The following CASKIN2 variants were observed in gnomAD, a reference collection of about 807,000 sequenced individuals.
The protein encoded by CASKIN2 is caskin-2.
CASKIN2 carries 41 observed loss-of-function variants against 107.1 expected under a neutral mutation model. The observed-to-expected ratio is 0.38, with a 90% confidence interval of 0.30 to 0.50. The LOEUF is 0.50. Ranked by LOEUF, CASKIN2 falls within the 20% of genes least tolerant of loss-of-function variation. CASKIN2 has a pLI of 0.92. For synonymous variants in CASKIN2, 724 were observed against 705.6 expected (o/e 1.03, Z -0.41); for missense variants, 1,546 against 1,657.4 (o/e 0.93, Z 1.17).
Position 75,501,826 on chromosome 17 carries a change from G to A in CASKIN2, c.3248C>T (p.Thr1083Ile). The A allele has an allele frequency of 1.3e-6, 2 of 1,554,008 alleles. No individual in the cohort carries two copies. Among genetic ancestry groups the A allele is most frequent in the Non-Finnish European group, 1.7e-6 (2 of 1,152,298 alleles). ...GGCAGCAGGGGCGGCCGGGGGTTCT[G>A]TCTCCCCATTCCACCGACTAGCTGC... is the stretch of plus-strand genomic sequence containing the variant. Reference protein sequence around the residue: ...SSAASRWNGETEPPAAPAALL... With the variant: ...SSAASRWNGEIEPPAAPAALL... Residue 1083 changes from threonine (T) to isoleucine (I), a missense_variant, in exon 18 of 20, where the codon ACA (threonine) becomes ATA (isoleucine). Physicochemically the swap from Thr to Ile is moderately conservative, Grantham distance 89. Around this residue, in one of 6 missense-constraint regions of CASKIN2, gnomAD observed 1,311 missense variants for 1,311.0 expected, o/e 1.00. Coordinates refer to ENST00000321617, the MANE Select transcript of CASKIN2 (RefSeq NM_020753.5).
chr17:75,504,405 CCT>C lies in CASKIN2; in HGVS notation c.1375+13_1375+14del. The C allele has an allele frequency of 6.2e-7, 1 of 1,605,950 alleles. No individual in the cohort carries two copies. Among genetic ancestry groups the C allele is most frequent in the Non-Finnish European group, 8.5e-7 (1 of 1,174,480 alleles). On this transcript the variant is annotated intron_variant, in intron 13 of 19. Transcript: ENST00000321617. ...CACCTCTCCTAGCCAACCCAGGTCC[CCT>C]GACCCTTCCTACCTGCCAGGGACGG...
rs894682393 is a variant in CASKIN2 at position 75,505,255 on chromosome 17, C to G, written c.931-182G>C. 2.8e-6 allele frequency: 2 copies of G among 714,778 alleles called. No individual in the cohort carries two copies. The highest frequency in any genetic ancestry group is 4.6e-6 in the Non-Finnish European group (2 of 432,534). The allele number at this position is 714,778 out of a possible 1,614,324, so 44.3% of individuals were successfully genotyped here. ...CTGCTGCCAGCAGCCAGCTCAATCT[C>G]CCCTGTGCCTCCAGGGCGAGCCCCA... On this transcript the variant is annotated intron_variant, in intron 10 of 19. Coordinates refer to ENST00000321617, the MANE Select transcript of CASKIN2 (RefSeq NM_020753.5). The surrounding 1 kb of genome is among the most constrained non-coding windows in gnomAD (Gnocchi z 5.1).
rs1240050030 is a variant in CASKIN2, at chr17:75,501,043, G to A, written c.*37C>T. On this transcript the variant is annotated 3_prime_UTR_variant, in exon 20 of 20. Transcript: ENST00000321617. Reference sequence around the variant, plus strand: ...TCTTCTGTGCTGGGGCAAAGGCAGTGGACTTCGGCAGGTCACAGTGGGCAC... The same window carrying A: ...TCTTCTGTGCTGGGGCAAAGGCAGTAGACTTCGGCAGGTCACAGTGGGCAC... 6.5e-7 allele frequency: 1 copy of A among 1,541,424 alleles called. No homozygotes were observed. The highest frequency in any genetic ancestry group is 1.4e-5 in the African/African-American group (1 of 73,104).
rs376866648 is a variant in CASKIN2 at position 75,502,596 on chromosome 17, A to G, written c.2478T>C (p.Tyr826=). The G allele has an allele frequency of 1.9e-5, 30 of 1,600,822 alleles. No homozygotes were observed. The highest frequency in any genetic ancestry group is 2.6e-5 in the Non-Finnish European group (30 of 1,173,306). The change falls in exon 18 of 20, where the codon TAT becomes TAC. Residue 826 remains tyrosine (Y), a synonymous_variant. Transcript: ENST00000321617. This position sits in a 1 kb window ranked among gnomAD's most constrained non-coding sequence, Gnocchi z 4.3. ...EGPVGSTLGS[Y]ATLTRRPGRS... is the part of the protein sequence containing the mutation. ...GTCCTGGCCGCCGGGTAAGGGTAGC[A>G]TAACTGCCTAGGGTGCTGCCCACTG...
intron 4 of CASKIN2, 131 bp downstream of exon 4, chr17:75,507,453 G>A (rs2053277599): frequency 5.8e-6 from 4 of 694,390 alleles, no homozygotes; most frequent in Non-Finnish European, 9.9e-6. Context: ...AAAGCCACTT[G>A]CAAGCCCAGA....
intron 2 of CASKIN2, among the ~76,000 whole-genome samples, chr17:75,513,237 C>T (rs1246474340): frequency 1.3e-5 from 2 of 151,898 alleles, no homozygotes; most frequent in Non-Finnish European, 2.9e-5. Context: ...GTCTGGAGTT[C>T]GAGACCAGTC....
chr17:75,508,280 G>C lies in CASKIN2; in HGVS notation c.100C>G (p.Leu34Val). 1.2e-6 allele frequency: 2 copies of C among 1,613,680 alleles called. No homozygotes were observed. The highest frequency in any genetic ancestry group is 1.7e-6 in the Non-Finnish European group (2 of 1,179,826). Residue 34 changes from leucine to valine, a missense_variant, in exon 3 of 20, where the codon CTG (leucine) becomes GTG (valine). This residue lies in a region of CASKIN2 where 136 missense variants were observed against 198.6 expected (regional missense o/e 0.68). Transcript: ENST00000321617. Reference protein sequence around the residue: ...AKVKATKTKLLGSTKRLNVNY... With the variant: ...AKVKATKTKLVGSTKRLNVNY... Reference sequence around the variant, plus strand: ...ACGTTGAGCCTCTTTGTGGAGCCCAGGAGCTCTAGGGGTCAGGATAGGAGG... The same window carrying C: ...ACGTTGAGCCTCTTTGTGGAGCCCACGAGCTCTAGGGGTCAGGATAGGAGG...
Position 75,503,479 on chromosome 17 carries a change from T to C in CASKIN2, c.1729A>G (p.Lys577Glu). Residue 577 changes from lysine to glutamate, a missense_variant, in exon 17 of 20, where the codon AAG becomes GAG. Coordinates refer to ENST00000321617, the MANE Select transcript of CASKIN2 (RefSeq NM_020753.5). Reference sequence around the variant, plus strand: ...TCGTAGCCGCTGCTCACCAGCTGCTTGTGGTACTGTGGCAGCCCCAGTGCA... The same window carrying C: ...TCGTAGCCGCTGCTCACCAGCTGCTCGTGGTACTGTGGCAGCCCCAGTGCA... ...LCALGLPQYHKQLVSSGYDSM... is the reference protein window; with the variant it reads ...LCALGLPQYHEQLVSSGYDSM... 1.9e-6 allele frequency: 3 copies of C among 1,612,512 alleles called. No homozygotes were observed. The highest frequency in any genetic ancestry group is 2.5e-6 in the Non-Finnish European group (3 of 1,179,876).
In CASKIN2 at chr17:75,501,706, G is replaced by A; in HGVS notation, c.3296-16C>T. ...GGGGCTGTTCCTGCAGAGACAAAAA[G>A]GTTGGCTTGGGACTTGGCTGGGTCA... On this transcript the variant is annotated splice_polypyrimidine_tract_variant and intron_variant, in intron 18 of 19. Transcript: ENST00000321617. The A allele has an allele frequency of 2.6e-6, 4 of 1,545,220 alleles. No homozygotes were observed. Among genetic ancestry groups the A allele is most frequent in the Non-Finnish European group, 2.6e-6 (3 of 1,145,208 alleles).
Position 75,505,872 on chromosome 17 carries a change from T to A in CASKIN2, c.784A>T (p.Asn262Tyr), listed in dbSNP as rs201929375. Residue 262 changes from asparagine to tyrosine, a missense_variant, in exon 9 of 20, where the codon AAT (asparagine) becomes TAT (tyrosine). By Grantham distance (143) the Asn-to-Tyr change is moderately radical. Coordinates refer to ENST00000321617, the MANE Select transcript of CASKIN2 (RefSeq NM_020753.5). This position sits in a 1 kb window ranked among gnomAD's most constrained non-coding sequence, Gnocchi z 5.1. ...CTGGCCTGGGAGGTGGTGAACTGAT[T>A]CACTATGTCCAGCGCCGTCTGGTTA... ...TYNQTALDIV[N>Y]QFTTSQASRE... 6.2e-7 allele frequency: 1 copy of A among 1,613,488 alleles called. No homozygotes were observed. The highest frequency in any genetic ancestry group is 2.2e-5 in the East Asian group (1 of 44,868).
rs1184288829 is a variant in CASKIN2, at chr17:75,514,094, C to T, written c.-290G>A. 15 of 569,522 alleles carry T rather than the reference C, an allele frequency of 2.6e-5. No homozygotes were observed. The highest frequency in any genetic ancestry group is 4.7e-5 in the Non-Finnish European group (15 of 320,508). 35.3% of individuals were successfully genotyped at this position (569,522 alleles called of 1,614,324 possible). ...TGGCTTCCGACAGCTCCAGGATGGG[C>T]TGGGACTGGGCACACCAATCTTCCC... On this transcript the variant is annotated 5_prime_UTR_variant, in exon 2 of 20. Transcript: ENST00000321617.
At position 75,502,433 on chromosome 17, in the gene CASKIN2, C is replaced by T; in HGVS notation, c.2641G>A (p.Gly881Ser). The T allele has an allele frequency of 7.0e-7, 1 of 1,420,618 alleles. No homozygotes were observed. The highest frequency in any genetic ancestry group is 9.2e-7 in the Non-Finnish European group (1 of 1,090,084). The allele number at this position is 1,420,618 out of a possible 1,614,324, so 88.0% of individuals were successfully genotyped here. A position where few individuals can be genotyped will look rare whatever the true frequency, so the allele number is the denominator to read the frequency against. ...PPPKRLSSVS[G>S]PSPEPPPLDE... ...AGTGGAGGTGGCTCCGGGCTGGGGC[C>T]AGAGACGGAGCTGAGGCGCTTGGGG... Residue 881 changes from glycine to serine, a missense_variant, in exon 18 of 20, where the codon GGC becomes AGC. Gly to Ser is a moderately conservative substitution (Grantham distance 56). Coordinates refer to ENST00000321617, the MANE Select transcript of CASKIN2 (RefSeq NM_020753.5). This position sits in a 1 kb window ranked among gnomAD's most constrained non-coding sequence, Gnocchi z 4.3.
In CASKIN2 at chr17:75,502,745, C is replaced by T. The variant is rs779892504; in HGVS notation, c.2329G>A (p.Ala777Thr). ...GGGGGCCCGGCCAAGTAGGAGAAGG[C>T]CCAGGGTGCGCCAGGAGGTGGCCCT... ...APGPPPGAPW[A>T]FSYLAGPPAT... The change falls in exon 18 of 20, where the codon GCC (alanine) becomes ACC (threonine). Residue 777 changes from alanine (A) to threonine (T), a missense_variant. Ala to Thr is a moderately conservative substitution (Grantham distance 58, BLOSUM62 0). This residue lies in a region of CASKIN2 where 1,311 missense variants were observed against 1,311.0 expected (regional missense o/e 1.00). Coordinates refer to ENST00000321617, the MANE Select transcript of CASKIN2 (RefSeq NM_020753.5). The surrounding 1 kb of genome is among the most constrained non-coding windows in gnomAD (Gnocchi z 4.3). The T allele has an allele frequency of 6.3e-7, 1 of 1,589,752 alleles. No homozygotes were observed. The highest frequency in any genetic ancestry group is 1.1e-5 in the South Asian group (1 of 88,950).
At chr17:75,501,757 T>C in intron 18 of CASKIN2, 22 bp downstream of exon 18, 3 of 1,527,842 alleles carry the variant, frequency 2.0e-6, no homozygotes, top group Non-Finnish European at 2.6e-6. Flanking sequence ...GCAGTGACTC[T>C]CCCACAGGCC....
At position 75,507,648 on chromosome 17, in the gene CASKIN2, G is replaced by GC; in HGVS notation, c.179dup (p.Ser61GlnfsTer16). On this transcript the variant is annotated frameshift_variant, in exon 4 of 20. Coordinates refer to ENST00000321617, the MANE Select transcript of CASKIN2 (RefSeq NM_020753.5). LOFTEE classifies it high-confidence loss of function. Reference sequence around the variant, plus strand: ...GCAGCAAGGCTATGAGCTCCAGGCTGCCCCCCAAAGCAGCGTGGTGGAGGG... The same window carrying GC: ...GCAGCAAGGCTATGAGCTCCAGGCTGCCCCCCCAAAGCAGCGTGGTGGAGGG... The GC allele has an allele frequency of 2.5e-6, 4 of 1,613,040 alleles. No homozygotes were observed. Among genetic ancestry groups the GC allele is most frequent in the Non-Finnish European group, 8.5e-7 (1 of 1,179,600 alleles).
Position 75,505,016 on chromosome 17 carries a change from C to A in CASKIN2, c.988G>T (p.Gly330Cys). ...WKGHIHESQR[G>C]TDRIGYFPPG... ...GGGAAGTAGCCTATGCGGTCTGTGC[C>A]CCTCTGGCTCTCGTGGATGTGGCCC... The change falls in exon 11 of 20, where the codon GGC becomes TGC. Residue 330 changes from glycine to cysteine, a missense_variant. Physicochemically the swap from Gly to Cys is radical, Grantham distance 159. Transcript: ENST00000321617. This position sits in a 1 kb window ranked among gnomAD's most constrained non-coding sequence, Gnocchi z 5.1. 1 of 1,612,316 alleles carries A rather than the reference C, an allele frequency of 6.2e-7. No individual in the cohort carries two copies. The highest frequency in any genetic ancestry group is 8.5e-7 in the Non-Finnish European group (1 of 1,179,852).
At chr17:75,507,725 C>G (rs757347282) in intron 3 of CASKIN2, 44 bp from the exon 4 acceptor site, 1 of 1,458,410 alleles carries the variant, frequency 6.9e-7, no homozygotes, top group Non-Finnish European at 9.5e-7. Flanking sequence ...GTGGGCAGCC[C>G]CCACCCCCAA....
intron 2 of CASKIN2, among the ~76,000 whole-genome samples, chr17:75,512,979 G>A (rs1239550727): frequency 6.6e-6 from 1 of 151,914 alleles, no homozygotes; most frequent in Non-Finnish European, 1.5e-5. Flanking sequence ...GTGTGCGTTT[G>A]AGGTTGGGGG....
chr17:75,509,846 G>A (rs184312773), intron 2 of CASKIN2: 84 of 985,730 alleles, frequency 8.5e-5, no homozygotes, highest in Non-Finnish European at 9.5e-5. Flanking sequence ...GGATGAGGCA[G>A]CTGGGTGGCG....
Sources: allele counts gnomAD v4.1 joint callset (sites outside exome capture counted in the v4.1 genomes callset), GRCh38; gene constraint gnomAD v4.1.1; regional missense constraint gnomAD v4.1.1; non-coding constraint Gnocchi (gnomAD v3.1); transcripts MANE v1.5; gene names NCBI Gene and HGNC (gene_info 2026-07-23, HGNC 2026-07-21).